The following SIN3A variants were observed in gnomAD, a reference collection of about 807,000 sequenced individuals.
SIN3A encodes SIN3 transcription regulator family member A, also known as paired amphipathic helix protein Sin3a.
Under a neutral mutation model 146.1 loss-of-function variants are expected in SIN3A, and 14 were observed. The observed-to-expected ratio is 0.10, with a 90% CI of 0.06 to 0.15. The LOEUF is 0.15. Ranked by LOEUF, SIN3A falls within the 10% of genes least tolerant of loss-of-function variation. The pLI is 1.00. For synonymous variants in SIN3A, 572 were observed against 572.0 expected, an observed-to-expected ratio of 1.00 and a Z score of 0.00; for missense variants, 1,028 against 1,576.0, an observed-to-expected ratio of 0.65 and a Z score of 5.89.
chr15:75,374,982 C>T (rs1372897815), intron 20 of SIN3A, among the ~76,000 whole-genome samples: 1 of 152,126 alleles, frequency 6.6e-6, no homozygotes, highest in Non-Finnish European at 1.5e-5. Context: ...GAAGGTTTCA[C>T]AATTGAGACA....
intron 1 of SIN3A, among the ~76,000 whole-genome samples, chr15:75,440,228 A>G (rs1373732536): frequency 6.6e-6 from 1 of 151,800 alleles, no homozygotes; most frequent in Non-Finnish European, 1.5e-5. Flanking sequence ...GAATGTAAGT[A>G]GCAAATTTGT....
Position 75,392,688 on chromosome 15 carries a change from G to A in SIN3A, c.2405C>T (p.Thr802Ile). The A allele has an allele frequency of 6.2e-7, 1 of 1,614,126 alleles. No individual in the cohort carries two copies. Among genetic ancestry groups the A allele is most frequent in the Non-Finnish European group, 8.5e-7 (1 of 1,180,022 alleles). ...ALIIHHVKRQ[T>I]GIQKEDKYKI... Reference sequence around the variant, plus strand: ...ATATTTGTCCTCCTTCTGAATGCCTGTCTGCCTCTTCACATGGTGGATAAT... The same window carrying A: ...ATATTTGTCCTCCTTCTGAATGCCTATCTGCCTCTTCACATGGTGGATAAT... Residue 802 changes from threonine to isoleucine, a missense_variant, in exon 15 of 21, where the codon ACA becomes ATA. By Grantham distance (89) the Thr-to-Ile change is moderately conservative (BLOSUM62 -1). This residue lies in a region of SIN3A where 488 missense variants were observed against 690.2 expected (regional missense o/e 0.71). Coordinates refer to ENST00000394947, the MANE Select transcript of SIN3A (RefSeq NM_001145358.2).
rs1030849851 is a variant in SIN3A at position 75,409,861 on chromosome 15, G to C, written c.1292C>G (p.Pro431Arg). 3.1e-6 allele frequency: 5 copies of C among 1,612,878 alleles called. No homozygotes were observed. Among genetic ancestry groups the C allele is most frequent in the East Asian group, 2.2e-5 (1 of 44,900 alleles). Reference sequence around the variant, plus strand: ...CTTAACTGGAGGGGTGGTTCCTGTAGGATGTCTGCGGATCTGGCAGCCATT... The same window carrying C: ...CTTAACTGGAGGGGTGGTTCCTGTACGATGTCTGCGGATCTGGCAGCCATT... ...SQNGCQIRRH[P>R]TGTTPPVKKK... Residue 431 changes from proline to arginine, a missense_variant, in exon 8 of 21, where the codon CCT (proline) becomes CGT (arginine). Coordinates refer to ENST00000394947, the MANE Select transcript of SIN3A (RefSeq NM_001145358.2).
intron 15 of SIN3A, 41 bp from the exon 16 acceptor site, chr15:75,389,862 G>A (rs997468974): frequency 6.3e-7 from 1 of 1,599,522 alleles, no homozygotes; most frequent in Non-Finnish European, 8.5e-7. Context: ...ACCTTGCTAA[G>A]AAAAGACTAG....
At chr15:75,397,329 G>A (rs2073323776) in intron 12 of SIN3A, among the ~76,000 whole-genome samples, 1 of 152,148 alleles carries the variant, frequency 6.6e-6, no homozygotes, top group African/African-American at 2.4e-5. Context: ...ACAAAAAATG[G>A]ACTAAACTTC....
rs145254812 is a variant in SIN3A, at chr15:75,412,657, G to A, written c.756+106C>T. On this transcript the variant is annotated intron_variant, in intron 5 of 20. Coordinates refer to ENST00000394947, the MANE Select transcript of SIN3A (RefSeq NM_001145358.2). ...AGCATTTTTCTATGACGAAATCTTT[G>A]TAACTTTGTTTCTCAGTATCTAAGT... 2.3e-4 allele frequency: 272 copies of A among 1,157,568 alleles called. 3 individuals carry two copies. The East Asian group carries it at 6.1e-3, about 26-fold the overall frequency. 71.7% of individuals were successfully genotyped at this position (1,157,568 alleles called of 1,614,324 possible).
At chr15:75,424,625 C>T (rs2073894466) in intron 2 of SIN3A, among the ~76,000 whole-genome samples, 1 of 152,200 alleles carries the variant, frequency 6.6e-6, no homozygotes, top group East Asian at 1.9e-4. Context: ...CAGGCATGTA[C>T]CACCATGCCT....
At chr15:75,450,751 C>T (rs985725667) in intron 1 of SIN3A, among the ~76,000 whole-genome samples, 1 of 152,234 alleles carries the variant, frequency 6.6e-6, no homozygotes, top group Non-Finnish European at 1.5e-5. Flanking sequence ...CGGCGGGTGC[C>T]CCTCCCTCCC....
At chr15:75,418,368 C>G (rs1298968430) in intron 3 of SIN3A, among the ~76,000 whole-genome samples, 1 of 152,132 alleles carries the variant, frequency 6.6e-6, no homozygotes, top group Non-Finnish European at 1.5e-5. Flanking sequence ...CTCTGTCACC[C>G]AGGCTGGAGT....
At chr15:75,408,766 C>A (rs2073568817) in intron 8 of SIN3A, among the ~76,000 whole-genome samples, 1 of 152,212 alleles carries the variant, frequency 6.6e-6, no homozygotes, top group African/African-American at 2.4e-5. Flanking sequence ...CAACAAAGAA[C>A]TTTGAGCAGG....
intron 2 of SIN3A, among the ~76,000 whole-genome samples, chr15:75,423,476 A>G (rs1003462682): frequency 2.0e-5 from 3 of 152,082 alleles, no homozygotes; most frequent in Non-Finnish European, 4.4e-5. Flanking sequence ...CAGGAGATCG[A>G]GACCATCCTG....
intron 12 of SIN3A, among the ~76,000 whole-genome samples, chr15:75,398,951 A>G (rs2073355218): frequency 6.6e-6 from 1 of 151,928 alleles, no homozygotes; most frequent in African/African-American, 2.4e-5. Flanking sequence ...ATGAGTTGAT[A>G]GGTGCAGCAA....
At position 75,380,636 on chromosome 15, in the gene SIN3A, G is replaced by A; in HGVS notation, c.3376C>T (p.Leu1126Phe). The A allele has an allele frequency of 6.2e-7, 1 of 1,612,116 alleles. No homozygotes were observed. Among genetic ancestry groups the A allele is most frequent in the Non-Finnish European group, 8.5e-7 (1 of 1,178,176 alleles). The change falls in exon 19 of 21, where the codon CTC becomes TTC. Residue 1126 changes from leucine to phenylalanine, a missense_variant. Physicochemically the swap from Leu to Phe is conservative, Grantham distance 22. Coordinates refer to ENST00000394947, the MANE Select transcript of SIN3A (RefSeq NM_001145358.2). ...REHLAQKPVF[L>F]PRNLRRIRKC... ...ATGACATGGCTCACTCACCTGGGGA[G>A]AAATACTGGTTTCTGTGCTAGATGT...
intron 3 of SIN3A, chr15:75,422,323 T>TG (rs1255035384): frequency 1.7e-6 from 1 of 586,722 alleles, no homozygotes; most frequent in Non-Finnish European, 3.0e-6. Context: ...ATCATATATG[T>TG]GCTCAATAGA....
rs539585691 is a variant in SIN3A at position 75,399,101 on chromosome 15, G to A, written c.1854+939C>T. 6.1e-3 allele frequency among the ~76,000 whole-genome samples: 926 copies of A among 151,838 alleles called. 5 individuals are homozygous for A. The highest frequency in any genetic ancestry group is 9.8e-3 in the Non-Finnish European group (665 of 67,932). ...CCTGTAGTCCCAGCCACTCGGTGGC[G>A]GGTAGGGGTGGGGGTCTGAGGTGGG... On this transcript the variant is annotated intron_variant, in intron 12 of 20. Transcript: ENST00000394947.
chr15:75,432,361 C>T (rs1258225904), intron 1 of SIN3A, among the ~76,000 whole-genome samples: 3 of 152,084 alleles, frequency 2.0e-5, no homozygotes, highest in Admixed American at 6.6e-5. Context: ...CTTAACTCAT[C>T]GGAGATTAAC....
At chr15:75,380,321 A>T (rs1235636980) in intron 19 of SIN3A, among the ~76,000 whole-genome samples, 1 of 152,110 alleles carries the variant, frequency 6.6e-6, no homozygotes, top group Non-Finnish European at 1.5e-5. Context: ...CGCTGTACTA[A>T]ATCAGTCTGA....
At chr15:75,422,594 T>G (rs745794173) in intron 3 of SIN3A, 53 bp downstream of exon 3, 1 of 1,586,696 alleles carries the variant, frequency 6.3e-7, no homozygotes, top group South Asian at 1.1e-5. Flanking sequence ...CTGCAACCAG[T>G]ATTTCCTGCT....
At chr15:75,402,629 G>A (rs936182418) in intron 9 of SIN3A, among the ~76,000 whole-genome samples, 2 of 151,982 alleles carry the variant, frequency 1.3e-5, no homozygotes, top group African/African-American at 4.8e-5. Context: ...GCAATAAGGA[G>A]TTTTTTTGTT....
Sources: gnomAD v4.1 joint callset for allele counts (sites outside exome capture counted in the v4.1 genomes callset) on GRCh38, gnomAD v4.1.1 for gene constraint, gnomAD v4.1.1 regional missense constraint, MANE v1.5 for transcripts, NCBI Gene and HGNC (gene_info 2026-07-23, HGNC 2026-07-21) for gene names.